Variants in TMEM278 observed in about 807,000 individuals in gnomAD.
TMEM278 encodes the protein transmembrane protein 88B.
chr1:1,427,622 G>C, the TMEM278 span: 2 of 1,332,500 alleles, frequency 1.5e-6, no homozygotes, highest in Admixed American at 3.0e-5. Flanking sequence ...CGCTCATCGT[G>C]TTCGGGCTTC....
chr1:1,427,744 C>G, the TMEM278 span: 1 of 1,306,032 alleles, frequency 7.7e-7, no homozygotes, highest in Non-Finnish European at 9.7e-7. Context: ...CGCCGCCCCC[C>G]GGGGCGCCCC....
chr1:1,429,699 C>T, the TMEM278 span, among the ~76,000 whole-genome samples: 1 of 152,176 alleles, frequency 6.6e-6, no homozygotes, highest in Non-Finnish European at 1.5e-5. Flanking sequence ...AGACCACCCT[C>T]GGCCCCCTCA....
At chr1:1,428,203 G>A in the TMEM278 span, among the ~76,000 whole-genome samples, 13 of 150,030 alleles carry the variant, frequency 8.7e-5, no homozygotes, top group Non-Finnish European at 1.6e-4. Context: ...GGGAGGGAAG[G>A]GCAGGGCAGG....
the TMEM278 span, chr1:1,427,428 C>T: frequency 1.1e-5 from 2 of 187,596 alleles, no homozygotes; most frequent in Admixed American, 6.5e-5. Flanking sequence ...CCCGCCCGCT[C>T]CCCTCTCCAC....
the TMEM278 span, chr1:1,426,250 G>A: frequency 6.7e-6 from 10 of 1,488,674 alleles, no homozygotes; most frequent in Non-Finnish European, 8.1e-6. Context: ...GCCCAGGGTG[G>A]TCGGGGCCCC....
chr1:1,426,186 C>T, the TMEM278 span: 8 of 1,418,450 alleles, frequency 5.6e-6, no homozygotes, highest in Admixed American at 3.0e-5. Flanking sequence ...GCTTCCGACA[C>T]AGCGCCCATG....
chr1:1,427,903 AG>A, the TMEM278 span: 1 of 993,924 alleles, frequency 1.0e-6, no homozygotes, highest in Non-Finnish European at 1.3e-6. Context: ...CTGGGCGCGC[AG>A]CGCTCCCGGC....
At chr1:1,428,955 A>C in the TMEM278 span, among the ~76,000 whole-genome samples, 2 of 147,520 alleles carry the variant, frequency 1.4e-5, no homozygotes, top group East Asian at 2.1e-4. Flanking sequence ...AGCCAAGATC[A>C]CGCCACTGCA....
the TMEM278 span, among the ~76,000 whole-genome samples, chr1:1,427,023 C>T: frequency 6.7e-6 from 1 of 148,204 alleles, no homozygotes; most frequent in African/African-American, 2.5e-5. Flanking sequence ...CCCCTCCCCT[C>T]TCCCCGCCCT....
chr1:1,427,625 C>T, the TMEM278 span: 1 of 1,331,326 alleles, frequency 7.5e-7, no homozygotes, highest in Non-Finnish European at 9.6e-7. Context: ...TCATCGTGTT[C>T]GGGCTTCTCT....
chr1:1,427,516 C>T, the TMEM278 span: 24 of 825,830 alleles, frequency 2.9e-5, no homozygotes, highest in Non-Finnish European at 3.3e-5. Flanking sequence ...CTCCATTACC[C>T]CGCCCCGCCC....
chr1:1,427,696 G>A, the TMEM278 span: 8 of 1,324,560 alleles, frequency 6.0e-6, no homozygotes, highest in Non-Finnish European at 6.7e-6. Flanking sequence ...CGGCGCCTCC[G>A]CCCGCTGCTG....
the TMEM278 span, among the ~76,000 whole-genome samples, chr1:1,430,081 C>A: frequency 6.6e-6 from 1 of 152,200 alleles, no homozygotes; most frequent in Non-Finnish European, 1.5e-5. Context: ...TGGTCTCGAA[C>A]TCCTAGGCAC....
the TMEM278 span, chr1:1,427,651 TG>T: frequency 7.4e-7 from 1 of 1,344,970 alleles, no homozygotes; most frequent in Non-Finnish European, 9.6e-7. Flanking sequence ...CCGCCGCTGC[TG>T]GTGCTCGCCT....
the TMEM278 span, chr1:1,427,552 A>T: frequency 1.4e-6 from 1 of 728,156 alleles, no homozygotes; most frequent in Non-Finnish European, 1.5e-6. Flanking sequence ...CCCGGCCCCC[A>T]GGTCCACCCC....
At chr1:1,425,894 C>G in the TMEM278 span, among the ~76,000 whole-genome samples, 2 of 152,068 alleles carry the variant, frequency 1.3e-5, no homozygotes, top group Non-Finnish European at 2.9e-5. Context: ...CTGGCTGGGG[C>G]TGGAGACTGG....
chr1:1,430,034 T>C, the TMEM278 span, among the ~76,000 whole-genome samples: 36 of 152,308 alleles, frequency 2.4e-4, no homozygotes, highest in South Asian at 6.6e-3. Flanking sequence ...ATTTTAAATT[T>C]TTTTGTAGAG....
At chr1:1,427,123 C>G in the TMEM278 span, among the ~76,000 whole-genome samples, 5 of 147,934 alleles carry the variant, frequency 3.4e-5, no homozygotes, top group Non-Finnish European at 7.5e-5. Context: ...GCCCCTCTAC[C>G]GCCCCGCCCC....
At chr1:1,427,120 T>C in the TMEM278 span, among the ~76,000 whole-genome samples, 1 of 130,414 alleles carries the variant, frequency 7.7e-6, no homozygotes, top group Admixed American at 7.7e-5. Context: ...ACGGCCCCTC[T>C]ACCGCCCCGC....
Sources: gnomAD v4.1 joint callset for allele counts (sites outside exome capture counted in the v4.1 genomes callset) on GRCh38, gnomAD v4.1.1 for gene constraint, MANE v1.5 for transcripts, NCBI Gene and HGNC (gene_info 2026-07-23, HGNC 2026-07-21) for gene names.